Variants in PAM observed in about 807,000 individuals in gnomAD.
The protein encoded by PAM is peptidylglycine alpha-amidating monooxygenase.
Under a neutral mutation model 122.1 loss-of-function variants are expected in PAM, and 72 were observed. The observed-to-expected ratio is 0.59, with a 90% CI of 0.49 to 0.72. The LOEUF (loss-of-function observed/expected upper bound fraction) is 0.72, where lower values mean the gene tolerates loss of function less well. PAM is among the 30% of genes least tolerant of loss of function. The probability of loss-of-function intolerance (pLI) is 0.00; values close to 1 mark genes in which losing one functional copy is unlikely to be tolerated. For synonymous variants in PAM, 389 were observed against 404.4 expected, an observed-to-expected ratio of 0.96 and a Z score of 0.46; for missense variants, 1,106 against 1,183.7, an observed-to-expected ratio of 0.93 and a Z score of 0.96.
At chr5:102,873,613 G>A (rs1788226587) in intron 3 of PAM, 1 of 152,236 alleles carries the variant, frequency 6.6e-6, no homozygotes, top group South Asian at 2.1e-4. Flanking sequence ...TAGCAAATGA[G>A]GGTTACTTCT....
rs377701764 is a variant in PAM at position 102,950,538 on chromosome 5, C to A, written c.802-179C>A. Among the ~76,000 whole-genome samples, 234 of 151,772 alleles carry A rather than the reference C, an allele frequency of 1.5e-3. 2 individuals are homozygous for A. Among genetic ancestry groups the A allele is most frequent in the African/African-American group, 5.2e-3 (216 of 41,356 alleles). On this transcript the variant is annotated intron_variant, in intron 11 of 25. Coordinates refer to ENST00000438793, the MANE Select transcript of PAM (RefSeq NM_001177306.2). ...TGTGATATATCAATAGAATTAAGGT[C>A]AAAAATCCTCTGATCAGTTGAATGG...
At chr5:102,870,527 T>C (rs1453288216) in intron 3 of PAM, among the ~76,000 whole-genome samples, 1 of 152,216 alleles carries the variant, frequency 6.6e-6, no homozygotes, top group African/African-American at 2.4e-5. Flanking sequence ...TAAAAATTTC[T>C]CCCATTAAAC....
rs149841860 is a variant in PAM, at chr5:102,875,486, G to T, written c.210+8093G>T. 1.3e-4 allele frequency among the ~76,000 whole-genome samples: 20 copies of T among 152,250 alleles called. No individual in the cohort carries two copies. The East Asian group carries it at 3.9e-3, about 29-fold the overall frequency. On this transcript the variant is annotated intron_variant, in intron 3 of 25. Transcript: ENST00000438793. Reference sequence around the variant, plus strand: ...TGGGATTACAGGTGTGGGCCACTGTGCCCAGCCCATCCTAAATCCTTGAAT... The same window carrying T: ...TGGGATTACAGGTGTGGGCCACTGTTCCCAGCCCATCCTAAATCCTTGAAT...
At chr5:102,937,345 G>A (rs1753601372) in intron 7 of PAM, among the ~76,000 whole-genome samples, 1 of 152,098 alleles carries the variant, frequency 6.6e-6, no homozygotes, top group Non-Finnish European at 1.5e-5. Context: ...CACTAGAAAT[G>A]GAAAGGAAGA....
chr5:103,026,201 C>T (rs184639721), intron 24 of PAM, among the ~76,000 whole-genome samples: 236 of 152,172 alleles, frequency 1.6e-3, no homozygotes, highest in African/African-American at 2.1e-3. Flanking sequence ...TGTTTCTTAC[C>T]GCTCAGTAGC....
At chr5:102,842,222 A>ATATC (rs1554082289) in intron 1 of PAM, among the ~76,000 whole-genome samples, 2 of 151,518 alleles carry the variant, frequency 1.3e-5, no homozygotes, top group African/African-American at 4.9e-5. Flanking sequence ...ATATATATAT[A>ATATC]TATATCTCCA....
chr5:102,814,841 C>T (rs1769212392), intron 1 of PAM, among the ~76,000 whole-genome samples: 1 of 151,668 alleles, frequency 6.6e-6, no homozygotes, highest in South Asian at 2.1e-4. Context: ...CTTTCCCAAC[C>T]CCCATCACAC....
At chr5:102,883,643 T>G (rs1417173675) in intron 3 of PAM, among the ~76,000 whole-genome samples, 1 of 152,028 alleles carries the variant, frequency 6.6e-6, no homozygotes, top group Non-Finnish European at 1.5e-5. Context: ...AAGTATACGA[T>G]CATTTCATCA....
intron 19 of PAM, 54 bp downstream of exon 19, chr5:103,007,065 G>A (rs371750014): frequency 5.4e-6 from 7 of 1,291,392 alleles, no homozygotes; most frequent in Middle Eastern, 2.5e-4. Flanking sequence ...GTATCACTGG[G>A]AACTAAATAT....
At chr5:102,920,103 T>C (rs971761995) in intron 5 of PAM, among the ~76,000 whole-genome samples, 4 of 152,028 alleles carry the variant, frequency 2.6e-5, no homozygotes, top group African/African-American at 9.7e-5. Flanking sequence ...TGCTACTTGG[T>C]AGTGGTAATA....
chr5:102,954,228 G>T (rs981101135), intron 12 of PAM, among the ~76,000 whole-genome samples: 19 of 151,860 alleles, frequency 1.3e-4, no homozygotes, highest in African/African-American at 4.4e-4. Context: ...AGGGATTTCT[G>T]TGATTTTAGT....
chr5:102,881,183 A>T (rs1212111527), intron 3 of PAM, among the ~76,000 whole-genome samples: 1 of 149,266 alleles, frequency 6.7e-6, no homozygotes, highest in Non-Finnish European at 1.5e-5. Context: ...AGAATTATTT[A>T]ACCAAAAACA....
intron 1 of PAM, among the ~76,000 whole-genome samples, chr5:102,800,038 A>G (rs552858630): frequency 4.6e-5 from 7 of 152,328 alleles, no homozygotes; most frequent in Admixed American, 3.3e-4. Flanking sequence ...TGCATTCATT[A>G]ATTACCTGGC....
chr5:102,949,673 T>G (rs1199029440), intron 10 of PAM, 56 bp downstream of exon 10: 92 of 889,356 alleles, frequency 1.0e-4, no homozygotes, highest in Non-Finnish European at 4.7e-5. Flanking sequence ...CCTGGTGCCA[T>G]AAATTAAAAT....
chr5:102,949,675 A>C, intron 10 of PAM, 58 bp downstream of exon 10: 2 of 884,200 alleles, frequency 2.3e-6, no homozygotes, highest in South Asian at 2.8e-5. Flanking sequence ...TGGTGCCATA[A>C]ATTAAAATGC....
intron 4 of PAM, among the ~76,000 whole-genome samples, chr5:102,902,744 T>G (rs1380129810): frequency 6.6e-6 from 1 of 151,488 alleles, no homozygotes; most frequent in Non-Finnish European, 1.5e-5. Flanking sequence ...ATTTATATTT[T>G]CTATGTCCAA....
Position 102,959,924 on chromosome 5 carries a change from G to A in PAM, c.955G>A (p.Glu319Lys). Reference protein sequence around the residue: ...MCNLYIMYYMEAKHAVSFMTC... With the variant: ...MCNLYIMYYMKAKHAVSFMTC... ...CAACTTATACATTATGTATTACATG[G>A]AAGCCAAGCATGCAGTTTCTTTCAT... is the stretch of plus-strand genomic sequence containing the variant. The change falls in exon 13 of 26, where the codon GAA becomes AAA. Residue 319 changes from glutamate to lysine, a missense_variant. By Grantham distance (56) the Glu-to-Lys change is moderately conservative (BLOSUM62 1). Around this residue, in one of 3 missense-constraint regions of PAM, gnomAD observed 670 missense variants for 690.3 expected, o/e 0.97. Coordinates refer to ENST00000438793, the MANE Select transcript of PAM (RefSeq NM_001177306.2). 6.2e-7 allele frequency: 1 copy of A among 1,612,478 alleles called. No individual in the cohort carries two copies. Among genetic ancestry groups the A allele is most frequent in the South Asian group, 1.1e-5 (1 of 91,034 alleles).
At chr5:102,895,602 A>G (rs906064669) in intron 3 of PAM, among the ~76,000 whole-genome samples, 9 of 151,700 alleles carry the variant, frequency 5.9e-5, no homozygotes, top group African/African-American at 1.9e-4. Context: ...TGAGAAGACC[A>G]CTTTGTTTTC....
chr5:102,988,352 G>C (rs1171556221), intron 15 of PAM, among the ~76,000 whole-genome samples: 1 of 143,122 alleles, frequency 7.0e-6, no homozygotes, highest in Non-Finnish European at 1.5e-5. Flanking sequence ...TCCTTGGGAA[G>C]GATTCTGGGC....
Sources: gnomAD v4.1 joint callset for allele counts (sites outside exome capture counted in the v4.1 genomes callset) on GRCh38, gnomAD v4.1.1 for gene constraint, gnomAD v4.1.1 regional missense constraint, MANE v1.5 for transcripts, NCBI Gene and HGNC (gene_info 2026-07-23, HGNC 2026-07-21) for gene names.